The following EDARADD variants were observed in gnomAD, a reference collection of about 807,000 sequenced individuals.
EDARADD encodes EDAR associated via death domain.
In EDARADD, 20 loss-of-function variants were observed where a neutral mutation model predicts 25.6. The observed-to-expected ratio is 0.78, with a 90% CI of 0.55 to 1.14. EDARADD has a LOEUF of 1.14. EDARADD is among the 50% of genes most tolerant of loss of function. EDARADD has a pLI of 0.00. For synonymous variants in EDARADD, 86 were observed against 94.4 expected, an observed-to-expected ratio of 0.91 and a Z score of 0.52; for missense variants, 225 against 270.1, an observed-to-expected ratio of 0.83 and a Z score of 1.17.
chr1:236,436,023 G>T (rs1043092596), intron 4 of EDARADD, among the ~76,000 whole-genome samples: 1 of 152,070 alleles, frequency 6.6e-6, no homozygotes, highest in African/African-American at 2.4e-5. Flanking sequence ...AAAAACCTCA[G>T]CCAGGCATGG....
intron 5 of EDARADD, among the ~76,000 whole-genome samples, chr1:236,470,528 T>C (rs1471711742): frequency 1.3e-5 from 2 of 152,242 alleles, no homozygotes; most frequent in Non-Finnish European, 2.9e-5. Flanking sequence ...GCAGGTTAAT[T>C]TTAATCAGGC....
rs906737114 is a variant in EDARADD, at chr1:236,482,349, C to T, written c.348C>T (p.Leu116=). 1.9e-6 allele frequency: 3 copies of T among 1,614,104 alleles called. No homozygotes were observed. The highest frequency in any genetic ancestry group is 2.7e-5 in the African/African-American group (2 of 75,018). ...LLRAPTISDL[L]NDQDLLDVIR... is the part of the protein sequence containing the mutation. ...GGGCCCCCACCATAAGTGACTTGCT[C>T]AATGATCAGGACTTACTAGACGTGA... Residue 116 remains leucine, a synonymous_variant, in exon 6 of 6, where the codon CTC becomes CTT. Coordinates refer to ENST00000334232, the MANE Select transcript of EDARADD (RefSeq NM_145861.4).
chr1:236,426,613 A>G (rs1436979539), intron 3 of EDARADD, among the ~76,000 whole-genome samples: 1 of 152,212 alleles, frequency 6.6e-6, no homozygotes, highest in Non-Finnish European at 1.5e-5. Flanking sequence ...CCACTACCCA[A>G]AAAATAAGCA....
Position 236,484,116 on chromosome 1 carries a change from G to T in EDARADD, c.*1467G>T. On this transcript the variant is annotated 3_prime_UTR_variant, in exon 6 of 6. Coordinates refer to ENST00000334232, the MANE Select transcript of EDARADD (RefSeq NM_145861.4). This position sits in a 1 kb window ranked among gnomAD's most constrained non-coding sequence, Gnocchi z 4.1. ...CAGTGCAGGAATCCAGGTAGTGGAG[G>T]ATGATCTCAGAGTGACCAACCCAAA... 2 of 1,549,972 alleles carry T rather than the reference G, an allele frequency of 1.3e-6. No homozygotes were observed. Among genetic ancestry groups the T allele is most frequent in the Non-Finnish European group, 1.8e-6 (2 of 1,122,868 alleles).
At chr1:236,467,336 G>A (rs908767125) in intron 4 of EDARADD, among the ~76,000 whole-genome samples, 1 of 151,792 alleles carries the variant, frequency 6.6e-6, no homozygotes, top group Non-Finnish European at 1.5e-5. Flanking sequence ...TGATGAGAAA[G>A]ATTTTGGTTT....
upstream of EDARADD, among the ~76,000 whole-genome samples, chr1:236,392,351 G>A (rs1252931355): frequency 6.6e-6 from 1 of 152,132 alleles, no homozygotes; most frequent in East Asian, 1.9e-4. Context: ...CTTGCCTGGA[G>A]ACAGGGTCTC....
At chr1:236,393,751 T>G (rs1667464088), upstream of EDARADD, among the ~76,000 whole-genome samples, 1 of 152,134 alleles carries the variant, frequency 6.6e-6, no homozygotes, top group Non-Finnish European at 1.5e-5. Flanking sequence ...GCAAAAGAAA[T>G]AAAAGTTGAA....
chr1:236,453,370 A>G (rs773761248), intron 4 of EDARADD, among the ~76,000 whole-genome samples: 3 of 145,442 alleles, frequency 2.1e-5, no homozygotes. Context: ...TCCACCTCCC[A>G]GGTTCAAGTG....
intron 2 of EDARADD, among the ~76,000 whole-genome samples, chr1:236,412,693 C>T (rs4474239): frequency 0.043 from 6,617 of 152,234 alleles, 364 homozygotes; most frequent in African/African-American, 0.13. Context: ...CTAGGGCTAG[C>T]TCCAGCATCG....
chr1:236,415,011 TC>T (rs200892504), intron 3 of EDARADD, among the ~76,000 whole-genome samples: 1 of 152,116 alleles, frequency 6.6e-6, no homozygotes, highest in Non-Finnish European at 1.5e-5. Context: ...GGGCAGGATT[TC>T]CCCCCGTGGA....
intron 4 of EDARADD, among the ~76,000 whole-genome samples, chr1:236,427,860 A>G (rs1280246683): frequency 3.3e-5 from 5 of 151,992 alleles, no homozygotes; most frequent in Admixed American, 2.6e-4. Context: ...TCAAACTTTA[A>G]CATATTATTT....
In EDARADD at chr1:236,427,977, A is replaced by T. The variant is rs576510918; in HGVS notation, c.219+527A>T. On this transcript the variant is annotated intron_variant, in intron 4 of 5. Coordinates refer to ENST00000334232, the MANE Select transcript of EDARADD (RefSeq NM_145861.4). ...TAATTTATTTATTTTATTTTATTTT[A>T]TTTTTTTAGTATTTATTGATCATTC... is the stretch of plus-strand genomic sequence containing the variant. 8.8e-3 allele frequency among the ~76,000 whole-genome samples: 519 copies of T among 58,818 alleles called. 2 individuals carry two copies. The highest frequency in any genetic ancestry group is 0.013 in the African/African-American group (442 of 32,914). The allele number at this position is 58,818 out of a possible 152,430, so 38.6% of individuals were successfully genotyped here.
chr1:236,483,160 T>C lies in EDARADD; in HGVS notation c.*511T>C. ...GCAATGAGACCCAGTGGCTAGAAATTCACCATGTCTATTCTCAAGATCCAT... is the reference window on the plus strand; with the variant it reads ...GCAATGAGACCCAGTGGCTAGAAATCCACCATGTCTATTCTCAAGATCCAT... On this transcript the variant is annotated 3_prime_UTR_variant, in exon 6 of 6. Coordinates refer to ENST00000334232, the MANE Select transcript of EDARADD (RefSeq NM_145861.4). The C allele has an allele frequency of 1.9e-6, 3 of 1,542,404 alleles. No homozygotes were observed. Among genetic ancestry groups the C allele is most frequent in the Non-Finnish European group, 2.7e-6 (3 of 1,117,924 alleles).
chr1:236,435,808 G>A (rs582666), intron 4 of EDARADD, among the ~76,000 whole-genome samples: 124,054 of 152,002 alleles, frequency 0.82, 51,337 homozygotes, highest in Non-Finnish European at 0.88. Flanking sequence ...GGGATAATAC[G>A]TGGGATGTTT....
intron 3 of EDARADD, among the ~76,000 whole-genome samples, chr1:236,363,030 T>TATATATATAAAA (rs796610771): frequency 7.8e-5 from 8 of 101,958 alleles, no homozygotes; most frequent in South Asian, 4.1e-4. Context: ...TATATATATA[T>TATATATATAAAA]ATAAAATTTG....
At chr1:236,481,118 G>T (rs933444877) in intron 5 of EDARADD, among the ~76,000 whole-genome samples, 8 of 152,180 alleles carry the variant, frequency 5.3e-5, no homozygotes, top group African/African-American at 1.9e-4. Flanking sequence ...TTTCAAATAT[G>T]CATATGGAGT....
At chr1:236,404,454 GC>G (rs1162646400) in intron 1 of EDARADD, among the ~76,000 whole-genome samples, 1 of 152,142 alleles carries the variant, frequency 6.6e-6, no homozygotes, top group African/African-American at 2.4e-5. Flanking sequence ...CAGATACAGT[GC>G]ATGGGCGCCA....
At chr1:236,435,634 C>G (rs1406638150) in intron 4 of EDARADD, among the ~76,000 whole-genome samples, 3 of 152,052 alleles carry the variant, frequency 2.0e-5, no homozygotes. Context: ...GCAGTTCTAT[C>G]CAGAAATTCA....
At chr1:236,372,430 T>A (rs1024727039) in intron 3 of EDARADD, among the ~76,000 whole-genome samples, 17 of 152,236 alleles carry the variant, frequency 1.1e-4, no homozygotes, top group African/African-American at 4.1e-4. Context: ...TGCTCAGTCA[T>A]GGTGTATAAT....
Sources: allele counts gnomAD v4.1 joint callset (sites outside exome capture counted in the v4.1 genomes callset), GRCh38; gene constraint gnomAD v4.1.1; non-coding constraint Gnocchi (gnomAD v3.1); transcripts MANE v1.5; gene names NCBI Gene and HGNC (gene_info 2026-07-23, HGNC 2026-07-21).